The following ZNF131 variants were observed in gnomAD, a reference collection of about 807,000 sequenced individuals.
ZNF131 encodes zinc finger protein 131.
Under a neutral mutation model 60.0 loss-of-function variants are expected in ZNF131, and 7 were observed. That is an observed-to-expected ratio of 0.12 (90% CI 0.07 to 0.22). ZNF131 has a LOEUF of 0.22. ZNF131 is among the 10% of genes least tolerant of loss of function. The probability of loss-of-function intolerance (pLI) is 1.00; values close to 1 mark genes in which losing one functional copy is unlikely to be tolerated. For synonymous variants in ZNF131, 257 were observed against 253.2 expected, an observed-to-expected ratio of 1.01 and a Z score of -0.14; for missense variants, 493 against 740.9, an observed-to-expected ratio of 0.67 and a Z score of 3.88.
intron 4 of ZNF131, among the ~76,000 whole-genome samples, chr5:43,141,264 C>G (rs16873175): frequency 0.01 from 1,573 of 152,168 alleles, 24 homozygotes; most frequent in African/African-American, 0.037. Context: ...GCAGAGAGAC[C>G]TGAGCATGGA....
chr5:43,149,253 A>G (rs1748000093), intron 4 of ZNF131, among the ~76,000 whole-genome samples: 2 of 149,896 alleles, frequency 1.3e-5, no homozygotes, highest in South Asian at 4.3e-4. Context: ...CCTGGGAGAC[A>G]GAGGGAGAAA....
Position 43,161,293 on chromosome 5 carries a change from A to G in ZNF131, c.416A>G (p.Lys139Arg), listed in dbSNP as rs750356596. 4 of 1,613,414 alleles carry G rather than the reference A, an allele frequency of 2.5e-6. No individual in the cohort carries two copies. Among genetic ancestry groups the G allele is most frequent in the Non-Finnish European group, 2.5e-6 (3 of 1,179,864 alleles). The change falls in exon 5 of 7, where the codon AAA becomes AGA. Residue 139 changes from lysine (K) to arginine (R), a missense_variant. Coordinates refer to ENST00000682664, the MANE Select transcript of ZNF131 (RefSeq NM_001330707.2). ...CCCTTAGAGGAAAATACCACAGGAAAAAATGAGGCCAAAAAAAGGAAGATT... is the reference window on the plus strand; with the variant it reads ...CCCTTAGAGGAAAATACCACAGGAAGAAATGAGGCCAAAAAAAGGAAGATT... ...SAPLEENTTG[K>R]NEAKKRKIAE...
intron 4 of ZNF131, among the ~76,000 whole-genome samples, chr5:43,160,959 G>T (rs987370556): frequency 5.9e-5 from 9 of 152,100 alleles, no homozygotes; most frequent in African/African-American, 1.9e-4. Flanking sequence ...GCGATTACAG[G>T]CATGAGCCAC....
chr5:43,174,275 C>T (rs1751337580), intron 6 of ZNF131, among the ~76,000 whole-genome samples, 172 bp from the exon 7 acceptor site: 1 of 152,144 alleles, frequency 6.6e-6, no homozygotes, highest in Non-Finnish European at 1.5e-5. Context: ...GCTAGAAGTC[C>T]AAATGAACCA....
chr5:43,157,921 C>A (rs889596628), intron 4 of ZNF131, among the ~76,000 whole-genome samples: 3 of 152,192 alleles, frequency 2.0e-5, no homozygotes, highest in Non-Finnish European at 4.4e-5. Flanking sequence ...TTTCTTCTTC[C>A]TTGTAGAGAC....
intron 4 of ZNF131, among the ~76,000 whole-genome samples, chr5:43,140,124 AGG>A (rs1446647007): frequency 7.0e-5 from 1 of 14,368 alleles, no homozygotes; most frequent in East Asian, 6.1e-3. Flanking sequence ...CTGAGGTGGG[AGG>A]GGAGGATCAC....
intron 6 of ZNF131, 82 bp downstream of exon 6, chr5:43,173,530 C>G (rs933639935): frequency 6.6e-7 from 1 of 1,515,974 alleles, no homozygotes; most frequent in Non-Finnish European, 9.0e-7. Context: ...AACAGAGTCT[C>G]AAGCAAAGGT....
chr5:43,174,877 A>G lies in ZNF131; in HGVS notation c.1616A>G (p.His539Arg), dbSNP rs770492663. 11 of 1,614,202 alleles carry G rather than the reference A, an allele frequency of 6.8e-6. No homozygotes were observed. The highest frequency in any genetic ancestry group is 3.3e-4 in the Middle Eastern group (2 of 6,060). The change falls in exon 7 of 7, where the codon CAT becomes CGT. Residue 539 changes from histidine (H) to arginine (R), a missense_variant. By Grantham distance (29) the His-to-Arg change is conservative. Transcript: ENST00000682664. ...CAGACTGAAGAAGGTACTGAAGTAC[A>G]TGTAGAGGAGCTGCATGTTGAACGG... ...RIQTEEGTEV[H>R]VEELHVERVN...
chr5:43,144,552 C>T (rs975352349), intron 4 of ZNF131, among the ~76,000 whole-genome samples: 1 of 152,008 alleles, frequency 6.6e-6, no homozygotes, highest in Non-Finnish European at 1.5e-5. Context: ...TTAAAGCCCC[C>T]TATGAACATC....
intron 4 of ZNF131, among the ~76,000 whole-genome samples, chr5:43,151,803 G>T (rs1748347207): frequency 6.6e-6 from 1 of 152,086 alleles, no homozygotes; most frequent in Admixed American, 6.6e-5. Flanking sequence ...AGTCCCAGGG[G>T]CACATAGGAA....
intron 5 of ZNF131, among the ~76,000 whole-genome samples, chr5:43,171,144 C>A (rs1342177562): frequency 6.6e-6 from 1 of 151,718 alleles, no homozygotes; most frequent in Admixed American, 6.6e-5. Flanking sequence ...GACAGGGTTT[C>A]ACTATGTTGG....
rs1296054686 is a variant in ZNF131, at chr5:43,144,225, TTTTC to T, written c.371+4928_371+4931del. ...GCGTGAGCCACGGCGCCTGGCCTTT[TTTTC>T]TTTCTTTCTTTTTTTTTTTTTTTTT... On this transcript the variant is annotated intron_variant, in intron 4 of 6. Coordinates refer to ENST00000682664, the MANE Select transcript of ZNF131 (RefSeq NM_001330707.2). Among the ~76,000 whole-genome samples the T allele has an allele frequency of 3.5e-3, 434 of 122,638 alleles. 2 individuals are homozygous for T. Among genetic ancestry groups the T allele is most frequent in the African/African-American group, 9.5e-3 (325 of 34,262 alleles). The allele number at this position is 122,638 out of a possible 152,430, so 80.5% of individuals were successfully genotyped here.
At chr5:43,134,162 CA>C (rs941793221) in intron 3 of ZNF131, among the ~76,000 whole-genome samples, 1 of 152,124 alleles carries the variant, frequency 6.6e-6, no homozygotes, top group African/African-American at 2.4e-5. Context: ...CAGCAAGGTA[CA>C]GGTGTCATAT....
At chr5:43,148,138 A>C (rs924602974) in intron 4 of ZNF131, among the ~76,000 whole-genome samples, 1 of 149,086 alleles carries the variant, frequency 6.7e-6, no homozygotes, top group African/African-American at 2.5e-5. Flanking sequence ...TTGGGAGGCT[A>C]AGGCGGGAGC....
intron 4 of ZNF131, 109 bp downstream of exon 4, chr5:43,139,418 A>C (rs1215508449): frequency 8.7e-7 from 1 of 1,149,280 alleles, no homozygotes; most frequent in African/African-American, 1.6e-5. Flanking sequence ...GTTCTTCAGA[A>C]GAATTAAGAA....
chr5:43,154,046 T>TA (rs1179894733), intron 4 of ZNF131, among the ~76,000 whole-genome samples: 2 of 152,142 alleles, frequency 1.3e-5, no homozygotes, highest in African/African-American at 4.8e-5. Context: ...AGACATAGAT[T>TA]AGTTTCAAGA....
chr5:43,168,713 G>T (rs1240504172), intron 5 of ZNF131, among the ~76,000 whole-genome samples: 1 of 152,156 alleles, frequency 6.6e-6, no homozygotes, highest in Non-Finnish European at 1.5e-5. Flanking sequence ...GATTGGAGTG[G>T]GTTGAAACCT....
At chr5:43,136,575 C>G (rs966578967) in intron 3 of ZNF131, among the ~76,000 whole-genome samples, 9 of 146,158 alleles carry the variant, frequency 6.2e-5, no homozygotes, top group Non-Finnish European at 1.2e-4. Context: ...CAGCCTTAGC[C>G]TCCCAAGTAG....
chr5:43,165,411 A>C (rs961301002), intron 5 of ZNF131, among the ~76,000 whole-genome samples: 1 of 152,170 alleles, frequency 6.6e-6, no homozygotes, highest in Non-Finnish European at 1.5e-5. Context: ...TGGAAAGTCA[A>C]AATTACTTCT....
Sources: gnomAD v4.1 joint callset for allele counts (sites outside exome capture counted in the v4.1 genomes callset) on GRCh38, gnomAD v4.1.1 for gene constraint, MANE v1.5 for transcripts, NCBI Gene and HGNC (gene_info 2026-07-23, HGNC 2026-07-21) for gene names.